Variants in IMMP2L observed in about 807,000 individuals in gnomAD.
IMMP2L encodes inner mitochondrial membrane peptidase subunit 2.
IMMP2L carries 18 observed loss-of-function variants against 19.3 expected under a neutral mutation model. That is an observed-to-expected ratio of 0.93 (90% CI 0.64 to 1.38). The LOEUF (loss-of-function observed/expected upper bound fraction) is 1.38. Among genes scored for constraint, IMMP2L ranks in the 40% most tolerant of loss-of-function variants. The probability of loss-of-function intolerance (pLI) is 0.00; values close to 1 mark genes in which losing one functional copy is unlikely to be tolerated. For missense variants in IMMP2L, 233 were observed against 218.2 expected (o/e 1.07, Z -0.43); for synonymous variants, 76 against 73.0 (o/e 1.04, Z -0.21).
At chr7:111,342,429 TA>T (rs1402290721) in intron 3 of IMMP2L, among the ~76,000 whole-genome samples, 1 of 151,750 alleles carries the variant, frequency 6.6e-6, no homozygotes, top group Non-Finnish European at 1.5e-5. Context: ...CTGTCTCTAC[TA>T]AAAATACAAA....
Position 111,123,496 on chromosome 7 carries a change from TC to T in IMMP2L, c.240-159932del. 1 of 1,613,874 alleles carries T rather than the reference TC, an allele frequency of 6.2e-7. No homozygotes were observed. Among genetic ancestry groups the T allele is most frequent in the South Asian group, 1.1e-5 (1 of 91,044 alleles). On this transcript the variant is annotated intron_variant, in intron 3 of 5. Coordinates refer to ENST00000405709, the MANE Select transcript of IMMP2L (RefSeq NM_032549.4). The surrounding 1 kb of genome is among the most constrained non-coding windows in gnomAD (Gnocchi z 6.4). Reference sequence around the variant, plus strand: ...TGGACTGGAAAACTTAGAAAGCATCTCTTTTTACGATAACAGGCTTATTAAA... The same window carrying T: ...TGGACTGGAAAACTTAGAAAGCATCTTTTTTACGATAACAGGCTTATTAAA...
chr7:110,752,305 T>G (rs1043895489), intron 5 of IMMP2L, among the ~76,000 whole-genome samples: 3 of 151,996 alleles, frequency 2.0e-5, no homozygotes, highest in Admixed American at 1.3e-4. Flanking sequence ...TAGAAAAAAA[T>G]TTAAAAGTAT....
intron 5 of IMMP2L, among the ~76,000 whole-genome samples, chr7:110,882,374 TCC>T (rs1809776451): frequency 6.8e-6 from 1 of 148,118 alleles, no homozygotes; most frequent in African/African-American, 2.5e-5. Context: ...TCTCTCTCTC[TCC>T]CTCTCTCTCT....
chr7:110,890,366 T>C (rs755195424), intron 4 of IMMP2L, among the ~76,000 whole-genome samples: 4 of 152,154 alleles, frequency 2.6e-5, no homozygotes, highest in Non-Finnish European at 5.9e-5. Context: ...ACCAGACAGA[T>C]TTGAAAGAAC....
intron 5 of IMMP2L, among the ~76,000 whole-genome samples, chr7:110,845,751 C>T (rs1182170234): frequency 1.3e-5 from 2 of 151,932 alleles, no homozygotes; most frequent in Admixed American, 1.3e-4. Flanking sequence ...GTTTGTGTTC[C>T]CCCAAAATTC....
intron 3 of IMMP2L, among the ~76,000 whole-genome samples, chr7:111,008,830 A>G (rs1824593555): frequency 6.6e-6 from 1 of 152,086 alleles, no homozygotes; most frequent in Admixed American, 6.6e-5. Context: ...GGAAAGATAC[A>G]ATATGGGCTA....
At chr7:111,409,085 T>G (rs186810699) in intron 3 of IMMP2L, among the ~76,000 whole-genome samples, 11 of 151,774 alleles carry the variant, frequency 7.2e-5, no homozygotes, top group Non-Finnish European at 1.3e-4. Flanking sequence ...TTTAGAAATA[T>G]TTTGCATTTC....
intron 5 of IMMP2L, among the ~76,000 whole-genome samples, chr7:110,855,450 C>T (rs1234544655): frequency 1.3e-5 from 2 of 151,876 alleles, no homozygotes; most frequent in Non-Finnish European, 2.9e-5. Context: ...ATTGTTTGGA[C>T]CTGGAGAAGT....
chr7:110,685,246 G>C (rs1010228551), intron 5 of IMMP2L, among the ~76,000 whole-genome samples: 21 of 152,106 alleles, frequency 1.4e-4, no homozygotes, highest in Admixed American at 1.3e-3. Flanking sequence ...CACAAAGAGC[G>C]CAAGCTTTGG....
At chr7:111,034,044 T>C (rs1186126293) in intron 3 of IMMP2L, among the ~76,000 whole-genome samples, 2 of 152,154 alleles carry the variant, frequency 1.3e-5, no homozygotes, top group Non-Finnish European at 2.9e-5. Context: ...GTATGGGAAG[T>C]GACGTGAATG....
intron 2 of IMMP2L, among the ~76,000 whole-genome samples, chr7:111,503,383 C>T (rs1422643726): frequency 6.6e-6 from 1 of 152,054 alleles, no homozygotes; most frequent in East Asian, 1.9e-4. Flanking sequence ...CCGAATTCTA[C>T]CAGAGGTACA....
At chr7:111,298,001 A>G (rs985024201) in intron 3 of IMMP2L, among the ~76,000 whole-genome samples, 22 of 152,108 alleles carry the variant, frequency 1.4e-4, no homozygotes, top group Non-Finnish European at 2.6e-4. Context: ...ACAAAAATGT[A>G]TTCATTTGTC....
chr7:111,481,405 T>C (rs1563246484), intron 3 of IMMP2L, among the ~76,000 whole-genome samples: 1 of 152,132 alleles, frequency 6.6e-6, no homozygotes, highest in Non-Finnish European at 1.5e-5. Context: ...CTGCCACTTA[T>C]TAATATTTAC....
intron 5 of IMMP2L, among the ~76,000 whole-genome samples, chr7:110,814,704 T>C (rs1262969347): frequency 6.7e-6 from 1 of 148,508 alleles, no homozygotes; most frequent in Admixed American, 6.7e-5. Flanking sequence ...AGTACAGATA[T>C]ATATATATAT....
At chr7:111,506,520 C>T (rs932578548) in intron 2 of IMMP2L, among the ~76,000 whole-genome samples, 2 of 152,164 alleles carry the variant, frequency 1.3e-5, no homozygotes, top group African/African-American at 4.8e-5. Flanking sequence ...GCCTCAGCCT[C>T]CAGAGTAGCT....
At chr7:111,408,742 G>A (rs532956532) in intron 3 of IMMP2L, among the ~76,000 whole-genome samples, 2 of 151,760 alleles carry the variant, frequency 1.3e-5, no homozygotes, top group South Asian at 4.1e-4. Context: ...AAAGACAGCT[G>A]ATAACCACAT....
chr7:110,943,998 G>A (rs956330234), intron 4 of IMMP2L, among the ~76,000 whole-genome samples: 10 of 152,054 alleles, frequency 6.6e-5, no homozygotes, highest in South Asian at 2.1e-4. Flanking sequence ...GTACTAATTG[G>A]ACTAAGTTGA....
intron 3 of IMMP2L, among the ~76,000 whole-genome samples, chr7:111,049,103 A>G (rs1223702984): frequency 7.3e-6 from 1 of 136,742 alleles, no homozygotes; most frequent in African/African-American, 2.7e-5. Flanking sequence ...TAGGGCATTG[A>G]TTTTTATGAT....
At chr7:110,775,675 A>G (rs1355887623) in intron 5 of IMMP2L, among the ~76,000 whole-genome samples, 3 of 152,076 alleles carry the variant, frequency 2.0e-5, no homozygotes, top group African/African-American at 7.2e-5. Flanking sequence ...GAAAGCTCTG[A>G]AGAATAAAAA....
Sources: allele counts gnomAD v4.1 joint callset (sites outside exome capture counted in the v4.1 genomes callset), GRCh38; gene constraint gnomAD v4.1.1; non-coding constraint Gnocchi (gnomAD v3.1); transcripts MANE v1.5; gene names NCBI Gene and HGNC (gene_info 2026-07-23, HGNC 2026-07-21).